MET: variants seen among roughly 807,000 people sequenced by gnomAD.
MET encodes the protein hepatocyte growth factor receptor.
In MET, 48 loss-of-function variants were observed where a neutral mutation model predicts 133.1. The ratio of observed to expected loss-of-function variants is 0.36; its 90% confidence interval spans 0.29 to 0.46. MET has a LOEUF of 0.46. Among genes scored for constraint, MET ranks in the 20% least tolerant of loss-of-function variants. The probability of loss-of-function intolerance (pLI) is 1.00; values close to 1 mark genes in which losing one functional copy is unlikely to be tolerated. For missense variants in MET, 1,442 were observed against 1,695.9 expected, an observed-to-expected ratio of 0.85 and a Z score of 2.63; for synonymous variants, 628 against 616.5, an observed-to-expected ratio of 1.02 and a Z score of -0.28.
In MET at chr7:116,775,052, A is replaced by T. The variant is rs1554398900; in HGVS notation, c.3200A>T (p.Gln1067Leu). ...ALNPELVQAVQHVVIGPSSLI... is the reference protein window; with the variant it reads ...ALNPELVQAVLHVVIGPSSLI... ...AATCCAGAGCTGGTCCAGGCAGTGCAGCATGTAGTGATTGGGCCCAGTAGC... is the reference window on the plus strand; with the variant it reads ...AATCCAGAGCTGGTCCAGGCAGTGCTGCATGTAGTGATTGGGCCCAGTAGC... Residue 1067 changes from glutamine (Q) to leucine (L), a missense_variant, in exon 15 of 21, where the codon CAG becomes CTG. Physicochemically the swap from Gln to Leu is moderately radical, Grantham distance 113. This residue lies in a region of MET where 514 missense variants were observed against 659.6 expected (regional missense o/e 0.78). Transcript: ENST00000397752. 2 of 1,614,240 alleles carry T rather than the reference A, an allele frequency of 1.2e-6. No homozygotes were observed. The highest frequency in any genetic ancestry group is 1.7e-6 in the Non-Finnish European group (2 of 1,180,028).
intron 2 of MET, among the ~76,000 whole-genome samples, chr7:116,722,389 T>A (rs1421224397): frequency 6.6e-6 from 1 of 150,406 alleles, no homozygotes. Context: ...GCACGTGAGA[T>A]GGGTTTCCTG....
intron 1 of MET, among the ~76,000 whole-genome samples, chr7:116,694,855 T>A (rs1170936390): frequency 6.6e-6 from 1 of 152,056 alleles, no homozygotes; most frequent in East Asian, 1.9e-4. Flanking sequence ...CCCAGCTAAT[T>A]TTTGTACTTT....
chr7:116,760,140 T>C (rs909269103), intron 10 of MET, among the ~76,000 whole-genome samples: 2 of 152,200 alleles, frequency 1.3e-5, no homozygotes, highest in Non-Finnish European at 2.9e-5. Flanking sequence ...TAGTCCCTTT[T>C]TAATGTGTCA....
chr7:116,716,301 GA>G (rs1792196793), intron 2 of MET, among the ~76,000 whole-genome samples: 2 of 126,596 alleles, frequency 1.6e-5, no homozygotes, highest in Non-Finnish European at 3.3e-5. Flanking sequence ...GAGAGAGAGA[GA>G]GAGAGAGAGA....
Position 116,796,096 on chromosome 7 carries a change from G to A in MET, c.4145G>A (p.Arg1382Gln), listed in dbSNP as rs752694306. The change falls in exon 21 of 21, where the codon CGA becomes CAA. Residue 1382 changes from arginine to glutamine, a missense_variant. Transcript: ENST00000397752. ...EDNADDEVDT[R>Q]PASFWETS ...AACGCTGATGATGAGGTGGACACAC[G>A]ACCAGCCTCCTTCTGGGAGACATCA... 1.1e-5 allele frequency: 18 copies of A among 1,614,102 alleles called. No individual in the cohort carries two copies. Among genetic ancestry groups the A allele is most frequent in the Middle Eastern group, 1.6e-4 (1 of 6,062 alleles).
At chr7:116,681,085 G>A (rs868171636) in intron 1 of MET, among the ~76,000 whole-genome samples, 14 of 152,104 alleles carry the variant, frequency 9.2e-5, no homozygotes, top group Middle Eastern at 6.3e-3. Flanking sequence ...TGTGTTACAT[G>A]TGGTTTGATT....
chr7:116,749,463 A>G (rs1160991896), intron 5 of MET, among the ~76,000 whole-genome samples: 2 of 152,194 alleles, frequency 1.3e-5, no homozygotes, highest in Non-Finnish European at 2.9e-5. Flanking sequence ...ATATCTCAAA[A>G]TAATAAGAGC....
chr7:116,710,222 A>G (rs1330675420), intron 2 of MET, among the ~76,000 whole-genome samples: 1 of 152,224 alleles, frequency 6.6e-6, no homozygotes, highest in African/African-American at 2.4e-5. Context: ...CACAAGATCA[A>G]TTCTGTTACT....
At chr7:116,754,331 T>C (rs192335540) in intron 5 of MET, among the ~76,000 whole-genome samples, 2 of 152,298 alleles carry the variant, frequency 1.3e-5, no homozygotes, top group Admixed American at 1.3e-4. Context: ...CAGAATGTAG[T>C]GCACGCAGCC....
At chr7:116,676,940 T>A (rs1393343136) in intron 1 of MET, among the ~76,000 whole-genome samples, 1 of 152,104 alleles carries the variant, frequency 6.6e-6, no homozygotes, top group East Asian at 1.9e-4. Context: ...GTGGCCCACA[T>A]CTCTTGGTTT....
intron 1 of MET, among the ~76,000 whole-genome samples, chr7:116,677,003 TTTTTGTTTTGTTTTG>T (rs796135481): frequency 1.6e-4 from 24 of 151,856 alleles, no homozygotes; most frequent in Admixed American, 5.2e-4. Flanking sequence ...TTTTTTTGTT[TTTTTGTTTTGTTTTG>T]TTTTGTTTTG....
At chr7:116,734,423 G>C (rs1412332689) in intron 3 of MET, among the ~76,000 whole-genome samples, 1 of 152,180 alleles carries the variant, frequency 6.6e-6, no homozygotes, top group East Asian at 1.9e-4. Context: ...CAGCTGTTGG[G>C]TGCAAAGTGA....
intron 5 of MET, among the ~76,000 whole-genome samples, chr7:116,750,862 C>T (rs1168986019): frequency 6.6e-6 from 1 of 152,068 alleles, no homozygotes; most frequent in African/African-American, 2.4e-5. Flanking sequence ...AAATCAAAAC[C>T]ACAATGAGAT....
At position 116,763,213 on chromosome 7, in the gene MET, C is replaced by G. The variant is rs762228405; in HGVS notation, c.2528C>G (p.Pro843Arg). The change falls in exon 11 of 21, where the codon CCT (proline) becomes CGT (arginine). Residue 843 changes from proline to arginine, a missense_variant. Around this residue, in one of 6 missense-constraint regions of MET, gnomAD observed 514 missense variants for 659.6 expected, o/e 0.78. Coordinates refer to ENST00000397752, the MANE Select transcript of MET (RefSeq NM_000245.4). ...TATGTACATAATCCTGTGTTTAAGC[C>G]TTTTGAAAAGCCAGTGATGATCTCA... ...LIYVHNPVFK[P>R]FEKPVMISMG... 2 of 1,613,784 alleles carry G rather than the reference C, an allele frequency of 1.2e-6. No individual in the cohort carries two copies. The highest frequency in any genetic ancestry group is 3.3e-5 in the Admixed American group (2 of 59,952).
intron 5 of MET, among the ~76,000 whole-genome samples, chr7:116,748,478 G>A (rs1793781775): frequency 6.6e-6 from 1 of 152,228 alleles, no homozygotes; most frequent in African/African-American, 2.4e-5. Flanking sequence ...CTAAAGCAGT[G>A]TTTAGAGGGA....
chr7:116,733,623 CTT>C (rs1381009467), intron 3 of MET, among the ~76,000 whole-genome samples: 1 of 151,974 alleles, frequency 6.6e-6, no homozygotes, highest in African/African-American at 2.4e-5. Context: ...GTCTCCTAGC[CTT>C]TGTGTAAAAG....
intron 2 of MET, among the ~76,000 whole-genome samples, chr7:116,724,435 C>G (rs542713188): frequency 6.6e-6 from 1 of 152,228 alleles, no homozygotes; most frequent in Non-Finnish European, 1.5e-5. Flanking sequence ...TCTTCTGCGT[C>G]GCTCACGCTG....
chr7:116,796,571 T>C lies in MET; in HGVS notation c.*447T>C, dbSNP rs544970146. The C allele has an allele frequency of 3.4e-5, 11 of 321,818 alleles. No individual in the cohort carries two copies. Among genetic ancestry groups the C allele is most frequent in the African/African-American group, 2.1e-4 (10 of 48,124 alleles). 19.9% of individuals were successfully genotyped at this position (321,818 alleles called of 1,614,324 possible). A position where few individuals can be genotyped will look rare whatever the true frequency, so the allele number is the denominator to read the frequency against. On this transcript the variant is annotated 3_prime_UTR_variant, in exon 21 of 21. Transcript: ENST00000397752. ...TGTTTCAAAACACTTTTGTGTGTTG[T>C]ATGGTCAATAACATTTTTCATTACT...
rs534514626 is a variant in MET at position 116,797,761 on chromosome 7, G to A, written c.*1637G>A. On this transcript the variant is annotated 3_prime_UTR_variant, in exon 21 of 21. Transcript: ENST00000397752. The stretch of plus-strand genomic sequence containing the variant: ...ATGATTTTCAATGACTGTAAATTGC[G>A]ATAAGGAAATGTACTGATTGCCAAT... 3.0e-4 allele frequency: 69 copies of A among 227,448 alleles called. No homozygotes were observed. The highest frequency in any genetic ancestry group is 5.0e-4 in the Non-Finnish European group (57 of 114,404). The allele number at this position is 227,448 out of a possible 1,614,324, so 14.1% of individuals were successfully genotyped here.
Sources: gnomAD v4.1 joint callset for allele counts (sites outside exome capture counted in the v4.1 genomes callset) on GRCh38, gnomAD v4.1.1 for gene constraint, gnomAD v4.1.1 regional missense constraint, MANE v1.5 for transcripts, NCBI Gene and HGNC (gene_info 2026-07-23, HGNC 2026-07-21) for gene names.